Variants in ABCA12 observed in about 807,000 individuals in gnomAD.
The protein encoded by ABCA12 is ATP binding cassette subfamily A member 12.
Under a neutral mutation model 293.5 loss-of-function variants are expected in ABCA12, and 156 were observed. The observed-to-expected ratio is 0.53, with a 90% CI of 0.47 to 0.61. The LOEUF (loss-of-function observed/expected upper bound fraction) is 0.61. Ranked by LOEUF, ABCA12 falls within the 20% of genes least tolerant of loss-of-function variation. The pLI is 0.00. For missense variants in ABCA12, 2,797 were observed against 3,090.2 expected (o/e 0.91, Z 2.25); for synonymous variants, 1,063 against 1,108.0 (o/e 0.96, Z 0.81).
In ABCA12 at chr2:214,932,774, C is replaced by T. The variant is rs367722955; in HGVS notation, c.7681-33G>A. On this transcript the variant is annotated intron_variant, in intron 52 of 52. Transcript: ENST00000272895. ...TTCAGGGAAAATAAAGCCATTAATG[C>T]CTGGTAAGCCAAAGGAAAAAATAAA... is the stretch of plus-strand genomic sequence containing the variant. The T allele has an allele frequency of 2.8e-5, 41 of 1,477,388 alleles. No homozygotes were observed. In the African/African-American group the frequency reaches 4.5e-4, roughly 16 times the overall value. The allele number at this position is 1,477,388 out of a possible 1,614,324, so 91.5% of individuals were successfully genotyped here.
At chr2:215,102,039 G>A (rs955262204) in intron 2 of ABCA12, among the ~76,000 whole-genome samples, 3 of 152,026 alleles carry the variant, frequency 2.0e-5, no homozygotes, top group East Asian at 1.9e-4. Flanking sequence ...GTGTGTGTGT[G>A]TGTGTGTGCC....
chr2:214,960,137 A>G (rs1380977193), intron 39 of ABCA12, among the ~76,000 whole-genome samples: 1 of 152,158 alleles, frequency 6.6e-6, no homozygotes, highest in Non-Finnish European at 1.5e-5. Flanking sequence ...ACATCCTTTG[A>G]ATTTGAGTTC....
chr2:215,107,125 C>T (rs1387052080), intron 2 of ABCA12, among the ~76,000 whole-genome samples: 1 of 152,002 alleles, frequency 6.6e-6, no homozygotes, highest in African/African-American at 2.4e-5. Flanking sequence ...GACATGACTA[C>T]TTTTTTTGGA....
chr2:215,020,971 G>A (rs1700618356), intron 11 of ABCA12, among the ~76,000 whole-genome samples: 1 of 152,158 alleles, frequency 6.6e-6, no homozygotes, highest in African/African-American at 2.4e-5. Context: ...TTAGCCTCTC[G>A]AGTAAGTAGC....
At chr2:215,029,002 A>G (rs1700812135) in intron 9 of ABCA12, 1 of 152,224 alleles carries the variant, frequency 6.6e-6, no homozygotes, top group Admixed American at 6.5e-5. Context: ...ACGTCAAAGA[A>G]GAGACAAATG....
At chr2:214,937,835 T>G (rs1698268081) in intron 50 of ABCA12, among the ~76,000 whole-genome samples, 1 of 152,116 alleles carries the variant, frequency 6.6e-6, no homozygotes, top group Middle Eastern at 3.4e-3. Context: ...AAAATCAGAG[T>G]CTTTGGGCAA....
chr2:215,032,230 T>A (rs1166716217), intron 8 of ABCA12: 2 of 550,862 alleles, frequency 3.6e-6, no homozygotes, highest in Non-Finnish European at 5.0e-6. Flanking sequence ...GAAGATTGAC[T>A]ACCACGTGAT....
chr2:215,134,593 CTCTCTCTA>C lies in ABCA12; in HGVS notation c.69+3539_69+3546del, dbSNP rs199871694. 3.7e-4 allele frequency among the ~76,000 whole-genome samples: 30 copies of C among 81,496 alleles called. 4 individuals carry two copies. Among genetic ancestry groups the C allele is most frequent in the African/African-American group, 2.7e-3 (29 of 10,602 alleles). 53.5% of individuals were successfully genotyped at this position (81,496 alleles called of 152,430 possible). Reference sequence around the variant, plus strand: ...ATATATATAATCTCTCTCTCTCTCTCTCTCTCTATATATATATATATATAGAGAGAGAG... The same window carrying C: ...ATATATATAATCTCTCTCTCTCTCTCTATATATATATATATAGAGAGAGAG... On this transcript the variant is annotated intron_variant, in intron 1 of 52. Transcript: ENST00000272895.
intron 2 of ABCA12, among the ~76,000 whole-genome samples, chr2:215,098,565 C>T (rs1256794574): frequency 6.6e-6 from 1 of 152,202 alleles, no homozygotes; most frequent in Admixed American, 6.5e-5. Context: ...ACCAAATTCA[C>T]TCATTTGTTC....
chr2:215,134,595 CTCTCTATATA>C (rs572140490), intron 1 of ABCA12, among the ~76,000 whole-genome samples: 1 of 81,504 alleles, frequency 1.2e-5, no homozygotes, highest in African/African-American at 9.9e-5. Flanking sequence ...CTCTCTCTCT[CTCTCTATATA>C]TATATATATA....
rs1699588923 is a variant in ABCA12 at position 214,979,009 on chromosome 2, T to C, written c.4772A>G (p.Asp1591Gly). The C allele has an allele frequency of 6.2e-7, 1 of 1,613,912 alleles. No individual in the cohort carries two copies. Among genetic ancestry groups the C allele is most frequent in the Non-Finnish European group, 8.5e-7 (1 of 1,179,954 alleles). ...GATCATTGCTGTCACGGCCATGGTG[T>C]CACATACTGCATTTGCATTTAAATT... ...SPNLNANAVC[D>G]TMAVTAMIQS... Residue 1591 changes from aspartate (D) to glycine (G), a missense_variant, in exon 32 of 53, where the codon GAC becomes GGC. Physicochemically the swap from Asp to Gly is moderately conservative, Grantham distance 94. Transcript: ENST00000272895.
At position 215,131,411 on chromosome 2, in the gene ABCA12, T is replaced by G. The variant is rs536822414; in HGVS notation, c.69+6729A>C. Among the ~76,000 whole-genome samples, 5 of 152,016 alleles carry G rather than the reference T, an allele frequency of 3.3e-5. No individual in the cohort carries two copies. The South Asian group carries it at 1.0e-3, about 31-fold the overall frequency. On this transcript the variant is annotated intron_variant, in intron 1 of 52. Transcript: ENST00000272895. ...TTTTTTTATTATTGGTTTAATTTCA[T>G]TACTTGTTATTGGTCTGTTCAGGGT...
chr2:215,081,503 A>G lies in ABCA12; in HGVS notation c.164-17284T>C, dbSNP rs1229898612. Among the ~76,000 whole-genome samples the G allele has an allele frequency of 8.5e-3, 956 of 112,336 alleles. 6 individuals carry two copies. Among genetic ancestry groups the G allele is most frequent in the African/African-American group, 0.028 (891 of 31,766 alleles). The allele number at this position is 112,336 out of a possible 152,430, so 73.7% of individuals were successfully genotyped here. A position where few individuals can be genotyped will look rare whatever the true frequency, so the allele number is the denominator to read the frequency against. ...CAAAAAAAAAAAAAAGAAAAAGAAA[A>G]AAGAAAAAGAAAAAAGAAAAAGTAA... is the stretch of plus-strand genomic sequence containing the variant. On this transcript the variant is annotated intron_variant, in intron 2 of 52. Transcript: ENST00000272895.
chr2:214,981,962 TA>T (rs1559128667), intron 30 of ABCA12, among the ~76,000 whole-genome samples: 4,690 of 132,174 alleles, frequency 0.035, 225 homozygotes, highest in African/African-American at 0.082. Context: ...TTATTATTAT[TA>T]TTATTATTAT....
At position 214,975,825 on chromosome 2, in the gene ABCA12, G is replaced by A. The variant is rs1439471550; in HGVS notation, c.5341C>T (p.Pro1781Ser). ...TGTTCGGAGGTACCATAAAGAGAGG[G>A]GGAGATCTGAATCTCTGGATAACTG... ...SNSYPEIQIS[P>S]SLYGTSEQTA... The change falls in exon 34 of 53, where the codon CCC becomes TCC. Residue 1781 changes from proline (P) to serine (S), a missense_variant. Coordinates refer to ENST00000272895, the MANE Select transcript of ABCA12 (RefSeq NM_173076.3). The A allele has an allele frequency of 1.2e-6, 2 of 1,614,088 alleles. No individual in the cohort carries two copies. Among genetic ancestry groups the A allele is most frequent in the African/African-American group, 1.3e-5 (1 of 75,020 alleles).
chr2:214,976,082 T>C, intron 33 of ABCA12, 45 bp from the exon 34 acceptor site: 3 of 1,611,298 alleles, frequency 1.9e-6, no homozygotes, highest in Non-Finnish European at 2.5e-6. Flanking sequence ...GAAATCTTGA[T>C]AAGCAATAAA....
intron 1 of ABCA12, among the ~76,000 whole-genome samples, chr2:215,128,110 C>T (rs1702966722): frequency 1.3e-5 from 2 of 152,146 alleles, no homozygotes; most frequent in African/African-American, 4.8e-5. Flanking sequence ...TTTGATGAGG[C>T]TATAAAGATA....
At chr2:215,109,721 A>G (rs1050004601) in intron 2 of ABCA12, among the ~76,000 whole-genome samples, 1 of 152,078 alleles carries the variant, frequency 6.6e-6, no homozygotes, top group Non-Finnish European at 1.5e-5. Context: ...AGAGCTTTCC[A>G]CAGTTTTTTC....
rs186944029 is a variant in ABCA12, at chr2:214,970,344, T to A, written c.5619A>T (p.Val1873=). 1.1e-3 allele frequency: 1,818 copies of A among 1,613,276 alleles called. 56 individuals are homozygous for A. In the Admixed American group the frequency reaches 0.029, roughly 26 times the overall value. The change falls in exon 37 of 53, where the codon GTA becomes GTT. Residue 1873 remains valine, a synonymous_variant. Transcript: ENST00000272895. ...CTCGTTGCCCAGTGAGGTTATAAATTACCTGGGATGAGTAAGTTCTTCTGT... is the reference window on the plus strand; with the variant it reads ...CTCGTTGCCCAGTGAGGTTATAAATAACCTGGGATGAGTAAGTTCTTCTGT... ...PPHRRTYSSQ[V]IYNLTGQRVE... is the part of the protein sequence containing the mutation.
Sources: allele counts gnomAD v4.1 joint callset (sites outside exome capture counted in the v4.1 genomes callset), GRCh38; gene constraint gnomAD v4.1.1; transcripts MANE v1.5; gene names NCBI Gene and HGNC (gene_info 2026-07-23, HGNC 2026-07-21).